Variants in SNX10 observed in about 807,000 individuals in gnomAD.
SNX10 encodes the protein sorting nexin-10.
Under a neutral mutation model 28.5 loss-of-function variants are expected in SNX10, and 25 were observed. The observed-to-expected ratio is 0.88, with a 90% confidence interval of 0.64 to 1.22. The LOEUF is 1.22. Among genes scored for constraint, SNX10 ranks in the 50% most tolerant of loss-of-function variants. The pLI is 0.00. For synonymous variants in SNX10, 62 were observed against 81.4 expected (o/e 0.76, Z 1.28); for missense variants, 223 against 242.6 (o/e 0.92, Z 0.54).
intron 1 of SNX10, among the ~76,000 whole-genome samples, chr7:26,312,570 G>A (rs1227881534): frequency 6.6e-6 from 1 of 152,214 alleles, no homozygotes; most frequent in African/African-American, 2.4e-5. Flanking sequence ...CGGATCACAA[G>A]GTCAGGCGTT....
rs1380684837 is a variant in SNX10, at chr7:26,373,118, C to G, written c.*546C>G. The G allele has an allele frequency of 6.6e-6, 1 of 152,138 alleles. No individual in the cohort carries two copies. Among genetic ancestry groups the G allele is most frequent in the Admixed American group, 6.5e-5 (1 of 15,290 alleles). 9.4% of individuals were successfully genotyped at this position (152,138 alleles called of 1,614,324 possible). A position where few individuals can be genotyped will look rare whatever the true frequency, so the allele number is the denominator to read the frequency against. ...ACTGAAATATTTTAAGAGTATTTAA[C>G]CTTTCCAGTATTCTGTTTCACGCTT... On this transcript the variant is annotated 3_prime_UTR_variant, in exon 7 of 7. Transcript: ENST00000338523. The surrounding 1 kb of genome is among the most constrained non-coding windows in gnomAD (Gnocchi z 4.2).
intron 1 of SNX10, among the ~76,000 whole-genome samples, chr7:26,342,846 A>G (rs1352926211): frequency 6.6e-6 from 1 of 151,832 alleles, no homozygotes; most frequent in African/African-American, 2.4e-5. Flanking sequence ...TCTCACTGTA[A>G]CCCAGGCTGG....
chr7:26,308,318 A>G (rs1431918712), intron 1 of SNX10, among the ~76,000 whole-genome samples: 2 of 152,086 alleles, frequency 1.3e-5, no homozygotes, highest in Non-Finnish European at 2.9e-5. Flanking sequence ...TAAGACCCTC[A>G]TTTCAGGAGG....
chr7:26,316,621 T>C (rs1476694185), intron 1 of SNX10, among the ~76,000 whole-genome samples: 4 of 152,220 alleles, frequency 2.6e-5, no homozygotes, highest in African/African-American at 7.2e-5. Flanking sequence ...TTTATACATA[T>C]TAACTTCTTT....
intron 1 of SNX10, among the ~76,000 whole-genome samples, chr7:26,336,636 C>T (rs550038998): frequency 3.3e-5 from 5 of 152,126 alleles, no homozygotes; most frequent in Non-Finnish European, 5.9e-5. Flanking sequence ...ACCCAGGAGG[C>T]GGAGGTTGCA....
chr7:26,321,589 G>C (rs1033358111), intron 1 of SNX10, among the ~76,000 whole-genome samples: 1 of 152,286 alleles, frequency 6.6e-6, no homozygotes, highest in Non-Finnish European at 1.5e-5. Flanking sequence ...TTCCAGGTCA[G>C]GTGCACTGCA....
At chr7:26,318,276 G>A (rs1057285965) in intron 1 of SNX10, among the ~76,000 whole-genome samples, 1 of 151,982 alleles carries the variant, frequency 6.6e-6, no homozygotes, top group African/African-American at 2.4e-5. Context: ...AAGTGTGCAG[G>A]GATCCTTGTG....
chr7:26,332,793 A>G (rs1293768021), intron 1 of SNX10, among the ~76,000 whole-genome samples: 1 of 152,206 alleles, frequency 6.6e-6, no homozygotes, highest in Non-Finnish European at 1.5e-5. Flanking sequence ...GCGTGTGGCT[A>G]TCTACTTGTC....
chr7:26,341,223 T>C (rs972114314), intron 1 of SNX10, among the ~76,000 whole-genome samples: 9 of 152,152 alleles, frequency 5.9e-5, no homozygotes, highest in African/African-American at 2.2e-4. Context: ...CACTTGAGCC[T>C]AGGAATCTGA....
intron 2 of SNX10, among the ~76,000 whole-genome samples, chr7:26,348,324 G>T (rs191833368): frequency 1.4e-3 from 206 of 152,332 alleles, no homozygotes; most frequent in Non-Finnish European, 2.3e-3. Flanking sequence ...AAGGTTAAGG[G>T]CATAGTTCCC....
At position 26,364,485 on chromosome 7, in the gene SNX10, A is replaced by G; in HGVS notation, c.112-50A>G. The G allele has an allele frequency of 1.3e-6, 2 of 1,556,698 alleles. No homozygotes were observed. The highest frequency in any genetic ancestry group is 1.4e-5 in the African/African-American group (1 of 73,002). On this transcript the variant is annotated intron_variant, in intron 3 of 6. Transcript: ENST00000338523. This position sits in a 1 kb window ranked among gnomAD's most constrained non-coding sequence, Gnocchi z 4.9. ...ATATTGTGAATTATAGATACAAGAA[A>G]TGCATTTTTTTCCTCAGGTAAGACT...
At chr7:26,346,994 C>G (rs1015067893) in intron 2 of SNX10, among the ~76,000 whole-genome samples, 1 of 152,232 alleles carries the variant, frequency 6.6e-6, no homozygotes, top group South Asian at 2.1e-4. Flanking sequence ...CATGCCAGCC[C>G]CGGCTGAGTG....
chr7:26,360,956 G>A lies in SNX10; in HGVS notation c.25-19G>A, dbSNP rs1344311542. ...TTGCAGTTCTGAAGAATATTTCTTTGTTTATGATGCCATTACAGGAATTTG... is the reference window on the plus strand; with the variant it reads ...TTGCAGTTCTGAAGAATATTTCTTTATTTATGATGCCATTACAGGAATTTG... On this transcript the variant is annotated intron_variant, in intron 2 of 6. Coordinates refer to ENST00000338523, the MANE Select transcript of SNX10 (RefSeq NM_013322.3). 1 of 1,583,582 alleles carries A rather than the reference G, an allele frequency of 6.3e-7. No individual in the cohort carries two copies. The highest frequency in any genetic ancestry group is 2.4e-5 in the East Asian group (1 of 42,502).
chr7:26,337,354 CGTTAA>C (rs1787982599), intron 1 of SNX10, among the ~76,000 whole-genome samples: 1 of 152,154 alleles, frequency 6.6e-6, no homozygotes, highest in South Asian at 2.1e-4. Flanking sequence ...ACTTCAGTAG[CGTTAA>C]GTGTATTCAC....
chr7:26,309,574 T>C (rs1436300525), intron 1 of SNX10, among the ~76,000 whole-genome samples: 2 of 152,172 alleles, frequency 1.3e-5, no homozygotes, highest in African/African-American at 4.8e-5. Flanking sequence ...AAGTATTACG[T>C]CTTTTCAGGT....
chr7:26,303,659 CTA>C (rs1938420563), intron 1 of SNX10, among the ~76,000 whole-genome samples: 1 of 152,118 alleles, frequency 6.6e-6, no homozygotes, highest in Non-Finnish European at 1.5e-5. Context: ...CTTCTTTTCT[CTA>C]TGTTTTCTCC....
intron 2 of SNX10, among the ~76,000 whole-genome samples, chr7:26,351,823 A>G (rs1338085392): frequency 2.7e-5 from 4 of 150,618 alleles, no homozygotes; most frequent in Non-Finnish European, 4.4e-5. Context: ...CGCCCAGCCA[A>G]TTTTTTGTAT....
intron 2 of SNX10, among the ~76,000 whole-genome samples, chr7:26,357,428 G>T (rs1370531082): frequency 6.6e-6 from 1 of 151,970 alleles, no homozygotes; most frequent in Non-Finnish European, 1.5e-5. Context: ...TTGCTTATGG[G>T]GACCTATGCT....
At chr7:26,344,058 C>T (rs1232608147) in intron 1 of SNX10, among the ~76,000 whole-genome samples, 1 of 152,092 alleles carries the variant, frequency 6.6e-6, no homozygotes, top group African/African-American at 2.4e-5. Context: ...ATTGTTGTGC[C>T]GTTGATCTCC....
Sources: allele counts gnomAD v4.1 joint callset (sites outside exome capture counted in the v4.1 genomes callset), GRCh38; gene constraint gnomAD v4.1.1; non-coding constraint Gnocchi (gnomAD v3.1); transcripts MANE v1.5; gene names NCBI Gene and HGNC (gene_info 2026-07-23, HGNC 2026-07-21).